TSPAN32: variants seen among roughly 807,000 people sequenced by gnomAD.
TSPAN32 encodes tetraspanin-32.
TSPAN32 carries 47 observed loss-of-function variants against 42.7 expected under a neutral mutation model. The ratio of observed to expected loss-of-function variants is 1.10; its 90% CI spans 0.87 to 1.40. TSPAN32 has a LOEUF of 1.40. Ranked by LOEUF, TSPAN32 falls within the 40% of genes most tolerant of loss-of-function variation. The pLI, the probability that TSPAN32 is intolerant of heterozygous loss-of-function variation, is 0.00. For synonymous variants in TSPAN32, 175 were observed against 175.9 expected, an observed-to-expected ratio of 0.99 and a Z score of 0.04; for missense variants, 469 against 424.1, an observed-to-expected ratio of 1.11 and a Z score of -0.93.
Position 2,317,651 on chromosome 11 carries a change from G to T in TSPAN32, c.901+126G>T. On this transcript the variant is annotated intron_variant, in intron 9 of 9. Transcript: ENST00000182290. This position sits in a 1 kb window ranked among gnomAD's most constrained non-coding sequence, Gnocchi z 6.2. ...CATTGGGAACAGATGCAAGGGTAAGGGGTAGCTCACCAAATCCCTCCATGG... is the reference window on the plus strand; with the variant it reads ...CATTGGGAACAGATGCAAGGGTAAGTGGTAGCTCACCAAATCCCTCCATGG... 7 of 1,479,902 alleles carry T rather than the reference G, an allele frequency of 4.7e-6. No homozygotes were observed. The highest frequency in any genetic ancestry group is 5.3e-6 in the Non-Finnish European group (6 of 1,122,218). 91.7% of individuals were successfully genotyped at this position (1,479,902 alleles called of 1,614,324 possible).
intron 5 of TSPAN32, among the ~76,000 whole-genome samples, chr11:2,314,207 G>A (rs954713543): frequency 2.6e-5 from 4 of 151,590 alleles, no homozygotes; most frequent in Non-Finnish European, 4.4e-5. Context: ...CACATACAGC[G>A]CACAGGCCCT....
In TSPAN32 at chr11:2,313,200, T is replaced by C. The variant is rs1848567620; in HGVS notation, c.355-454T>C. ...CCCGGGCTTCCAGAAGGCAGCCGGG[T>C]GATTCTTGGGAAAGATCTAGAATCC... On this transcript the variant is annotated intron_variant, in intron 4 of 9. Coordinates refer to ENST00000182290, the MANE Select transcript of TSPAN32 (RefSeq NM_139022.3). The surrounding 1 kb of genome is among the most constrained non-coding windows in gnomAD (Gnocchi z 9.1). Among the ~76,000 whole-genome samples the C allele has an allele frequency of 6.6e-6, 1 of 152,078 alleles. No homozygotes were observed.
At chr11:2,315,643 T>C in intron 6 of TSPAN32, 2 of 1,187,756 alleles carry the variant, frequency 1.7e-6, no homozygotes, top group Non-Finnish European at 2.1e-6. Context: ...CCTGAGACCC[T>C]GCGGAGGCCT....
intron 6 of TSPAN32, chr11:2,315,772 G>A (rs758596061): frequency 6.3e-6 from 8 of 1,266,850 alleles, no homozygotes; most frequent in Non-Finnish European, 8.2e-6. Context: ...GCCTGGGATG[G>A]AACCAGGAAG....
Position 2,303,991 on chromosome 11 carries a change from C to G in TSPAN32, c.182-116C>G, listed in dbSNP as rs995021910. ...GATGGAGAGACAGGCCCATTCAGAG[C>G]CCCCCAGGAGTCCCTCACGGCCCCT... On this transcript the variant is annotated intron_variant, in intron 2 of 9. Coordinates refer to ENST00000182290, the MANE Select transcript of TSPAN32 (RefSeq NM_139022.3). 4.1e-6 allele frequency: 3 copies of G among 726,062 alleles called. No homozygotes were observed. The African/African-American group carries it at 5.4e-5, about 13-fold the overall frequency. 45.0% of individuals were successfully genotyped at this position (726,062 alleles called of 1,614,324 possible).
At chr11:2,303,996 C>T in intron 2 of TSPAN32, 111 bp from the exon 3 acceptor site, 1 of 779,674 alleles carries the variant, frequency 1.3e-6, no homozygotes, top group Non-Finnish European at 2.2e-6. Context: ...CAGAGCCCCC[C>T]AGGAGTCCCT....
intron 3 of TSPAN32, among the ~76,000 whole-genome samples, chr11:2,306,044 C>CTGTGTGTGTGTGTGTGTG (rs1407139268): frequency 0.012 from 479 of 40,856 alleles, 5 homozygotes; most frequent in African/African-American, 0.056. Flanking sequence ...GTGCAGGTGC[C>CTGTGTGTGTGTGTGTGTG]TCTGTGTGTG....
At chr11:2,316,000 G>GGCAGT (rs1251707276) in intron 6 of TSPAN32, 2 of 1,533,872 alleles carry the variant, frequency 1.3e-6, no homozygotes, top group East Asian at 4.9e-5. Context: ...CCGGGCCCAG[G>GGCAGT]GCAGTGCCAG....
rs148447310 is a variant in TSPAN32, at chr11:2,313,437, T to C, written c.355-217T>C. On this transcript the variant is annotated intron_variant, in intron 4 of 9. Transcript: ENST00000182290. This position sits in a 1 kb window ranked among gnomAD's most constrained non-coding sequence, Gnocchi z 9.1. Reference sequence around the variant, plus strand: ...GGCAGGAGGGCCACTCTGACGGCCATTGTGTGAAGGCCCCATCGTTGATGT... The same window carrying C: ...GGCAGGAGGGCCACTCTGACGGCCACTGTGTGAAGGCCCCATCGTTGATGT... 4.2e-3 allele frequency among the ~76,000 whole-genome samples: 636 copies of C among 152,296 alleles called. 3 individuals carry two copies. The highest frequency in any genetic ancestry group is 7.5e-3 in the Non-Finnish European group (508 of 68,018).
rs552339438 is a variant in TSPAN32, at chr11:2,315,869, G to A, written c.544-360G>A. On this transcript the variant is annotated intron_variant, in intron 6 of 9. Coordinates refer to ENST00000182290, the MANE Select transcript of TSPAN32 (RefSeq NM_139022.3). Reference sequence around the variant, plus strand: ...TAGCCATCACCCTCTGGTCACCAAGGTGCTGTGCCCGGCCCTGGGCTGGAT... The same window carrying A: ...TAGCCATCACCCTCTGGTCACCAAGATGCTGTGCCCGGCCCTGGGCTGGAT... The A allele has an allele frequency of 3.6e-6, 5 of 1,407,576 alleles. No homozygotes were observed. In the East Asian group the frequency reaches 1.1e-4, roughly 31 times the overall value. The allele number at this position is 1,407,576 out of a possible 1,614,324, so 87.2% of individuals were successfully genotyped here. A position where few individuals can be genotyped will look rare whatever the true frequency, so the allele number is the denominator to read the frequency against.
At position 2,304,090 on chromosome 11, in the gene TSPAN32, T is replaced by C; in HGVS notation, c.182-17T>C. The C allele has an allele frequency of 6.4e-7, 1 of 1,563,526 alleles. No individual in the cohort carries two copies. Among genetic ancestry groups the C allele is most frequent in the Non-Finnish European group, 8.7e-7 (1 of 1,153,086 alleles). Reference sequence around the variant, plus strand: ...TCCTGGGCACCCCTAACCCTCCTCCTCTCTCCTCCCAACCAGCCTTCTCTG... The same window carrying C: ...TCCTGGGCACCCCTAACCCTCCTCCCCTCTCCTCCCAACCAGCCTTCTCTG... On this transcript the variant is annotated splice_polypyrimidine_tract_variant and intron_variant, in intron 2 of 9. Transcript: ENST00000182290. The surrounding 1 kb of genome is among the most constrained non-coding windows in gnomAD (Gnocchi z 4.8).
chr11:2,304,126 C>G lies in TSPAN32; in HGVS notation c.201C>G (p.Ser67Arg). ...VHQWAFSAGL[S>R]LVGLLTLGAV... The stretch of plus-strand genomic sequence containing the variant: ...AACCAGCCTTCTCTGCGGGGTTGAG[C>G]CTGGTGGGCCTCCTGACTCTGGGAG... The change falls in exon 3 of 10, where the codon AGC (serine) becomes AGG (arginine). Residue 67 changes from serine (S) to arginine (R), a missense_variant. Coordinates refer to ENST00000182290, the MANE Select transcript of TSPAN32 (RefSeq NM_139022.3). The surrounding 1 kb of genome is among the most constrained non-coding windows in gnomAD (Gnocchi z 4.8). 1.9e-6 allele frequency: 3 copies of G among 1,585,136 alleles called. No individual in the cohort carries two copies. The highest frequency in any genetic ancestry group is 2.6e-6 in the Non-Finnish European group (3 of 1,165,784).
rs1274130902 is a variant in TSPAN32 at position 2,308,930 on chromosome 11, G to A, written c.354+120G>A. The A allele has an allele frequency of 8.8e-5, 63 of 713,452 alleles. No homozygotes were observed. In the Admixed American group the frequency reaches 1.5e-3, roughly 17 times the overall value. 44.2% of individuals were successfully genotyped at this position (713,452 alleles called of 1,614,324 possible). Reference sequence around the variant, plus strand: ...CAGCTTCCAGGCTTGTGCTGACCGGGTGGGGTGGGGGAGACCGCAGCCTGG... The same window carrying A: ...CAGCTTCCAGGCTTGTGCTGACCGGATGGGGTGGGGGAGACCGCAGCCTGG... On this transcript the variant is annotated intron_variant, in intron 4 of 9. Coordinates refer to ENST00000182290, the MANE Select transcript of TSPAN32 (RefSeq NM_139022.3).
In TSPAN32 at chr11:2,313,966, G is replaced by A. The variant is rs958427208; in HGVS notation, c.456+211G>A. On this transcript the variant is annotated intron_variant, in intron 5 of 9. Transcript: ENST00000182290. The surrounding 1 kb of genome is among the most constrained non-coding windows in gnomAD (Gnocchi z 9.1). The stretch of plus-strand genomic sequence containing the variant: ...CCGCCTACCAGATTCTCGAGGCCCA[G>A]TGCAAAACGAGAGGGCAGGGCCCTG... Among the ~76,000 whole-genome samples, 1 of 152,104 alleles carries A rather than the reference G, an allele frequency of 6.6e-6. No homozygotes were observed. Among genetic ancestry groups the A allele is most frequent in the Non-Finnish European group, 1.5e-5 (1 of 68,026 alleles).
rs753586582 is a variant in TSPAN32, at chr11:2,302,767, A to G, written c.67-77A>G. ...GACCGGGAAGCTGGAGAGAGCCCCA[A>G]CCCTGCCCGCTGGGGCCGAGCTCCC... On this transcript the variant is annotated intron_variant, in intron 1 of 9. Transcript: ENST00000182290. The G allele has an allele frequency of 3.2e-6, 4 of 1,238,204 alleles. No homozygotes were observed. The South Asian group carries it at 3.8e-5, about 12-fold the overall frequency. 76.7% of individuals were successfully genotyped at this position (1,238,204 alleles called of 1,614,324 possible).
At chr11:2,314,749 T>C in intron 6 of TSPAN32, 178 bp downstream of exon 6, 1 of 603,766 alleles carries the variant, frequency 1.7e-6, no homozygotes. Flanking sequence ...TAGTTAGGGT[T>C]CATGGTACGC....
chr11:2,302,370 G>A, intron 1 of TSPAN32, 155 bp downstream of exon 1: 1 of 865,082 alleles, frequency 1.2e-6, no homozygotes, highest in Non-Finnish European at 1.6e-6. Flanking sequence ...TGCCCTTGCA[G>A]ACAGCCGCAG....
chr11:2,302,017 C>A lies in TSPAN32; in HGVS notation c.-133C>A. The A allele has an allele frequency of 1.3e-6, 2 of 1,492,850 alleles. No individual in the cohort carries two copies. The highest frequency in any genetic ancestry group is 2.8e-5 in the African/African-American group (2 of 71,570). 92.5% of individuals were successfully genotyped at this position (1,492,850 alleles called of 1,614,324 possible). On this transcript the variant is annotated 5_prime_UTR_variant, in exon 1 of 10. Coordinates refer to ENST00000182290, the MANE Select transcript of TSPAN32 (RefSeq NM_139022.3). ...GGCACCCAGCAGCTCGGTCCTAGGG[C>A]GATGTTGACAGACAGACAGAGGGGC...
intron 3 of TSPAN32, among the ~76,000 whole-genome samples, chr11:2,307,752 C>T (rs370496991): frequency 2.6e-5 from 4 of 152,180 alleles, no homozygotes; most frequent in African/African-American, 4.8e-5. Flanking sequence ...CACCAGAGAA[C>T]GCCCCACTCC....
Sources: allele counts gnomAD v4.1 joint callset (sites outside exome capture counted in the v4.1 genomes callset), GRCh38; gene constraint gnomAD v4.1.1; non-coding constraint Gnocchi (gnomAD v3.1); transcripts MANE v1.5; gene names NCBI Gene and HGNC (gene_info 2026-07-23, HGNC 2026-07-21).